SYT1: variants seen among roughly 807,000 people sequenced by gnomAD.
SYT1 encodes the protein synaptotagmin 1.
Under a neutral mutation model 44.8 loss-of-function variants are expected in SYT1, and 8 were observed. The ratio of observed to expected loss-of-function variants is 0.18; its 90% CI spans 0.10 to 0.32. The LOEUF is 0.32. Among genes scored for constraint, SYT1 ranks in the 10% least tolerant of loss-of-function variants. SYT1 has a pLI of 1.00. For synonymous variants in SYT1, 154 were observed against 188.8 expected, an observed-to-expected ratio of 0.82 and a Z score of 1.51; for missense variants, 286 against 509.3, an observed-to-expected ratio of 0.56 and a Z score of 4.22.
At chr12:79,254,777 G>C (rs1422179517) in intron 4 of SYT1, among the ~76,000 whole-genome samples, 2 of 152,182 alleles carry the variant, frequency 1.3e-5, no homozygotes, top group Non-Finnish European at 2.9e-5. Context: ...GGATGACTTT[G>C]AGAGGTTCAG....
At chr12:79,210,373 A>G (rs528760042) in intron 3 of SYT1, among the ~76,000 whole-genome samples, 2 of 152,168 alleles carry the variant, frequency 1.3e-5, no homozygotes, top group East Asian at 3.9e-4. Context: ...ACATTGCACC[A>G]TATTTGTAGT....
At chr12:79,028,213 G>A (rs1423940109) in intron 2 of SYT1, among the ~76,000 whole-genome samples, 4 of 151,280 alleles carry the variant, frequency 2.6e-5, no homozygotes, top group Non-Finnish European at 4.4e-5. Flanking sequence ...TCTGTCTGTC[G>A]AGTTATTTTT....
At chr12:78,940,223 G>A (rs557774331) in intron 1 of SYT1, among the ~76,000 whole-genome samples, 4 of 150,992 alleles carry the variant, frequency 2.6e-5, no homozygotes, top group Non-Finnish European at 5.9e-5. Context: ...TTATTATTCT[G>A]TTCTCATGGA....
intron 2 of SYT1, among the ~76,000 whole-genome samples, chr12:78,987,675 T>C (rs1017646188): frequency 7.9e-5 from 12 of 151,938 alleles, no homozygotes; most frequent in South Asian, 2.1e-4. Context: ...TACTTTACAT[T>C]AGGGATATAT....
At chr12:79,191,660 A>G (rs144136997) in intron 3 of SYT1, among the ~76,000 whole-genome samples, 11 of 152,270 alleles carry the variant, frequency 7.2e-5, no homozygotes, top group East Asian at 3.9e-4. Flanking sequence ...TAAGAATTTT[A>G]AGACATTTCT....
chr12:79,182,551 G>A (rs181813957), intron 3 of SYT1, among the ~76,000 whole-genome samples: 242 of 152,096 alleles, frequency 1.6e-3, no homozygotes, highest in Middle Eastern at 3.4e-3. Flanking sequence ...GAGAGTAAAA[G>A]GAGAAAAAAC....
intron 2 of SYT1, among the ~76,000 whole-genome samples, chr12:79,009,323 T>C (rs1565760452): frequency 6.6e-6 from 1 of 152,012 alleles, no homozygotes; most frequent in African/African-American, 2.4e-5. Context: ...TTTTGTTTTG[T>C]TTTTGAATTC....
At chr12:79,141,831 T>C (rs1246171444) in intron 3 of SYT1, among the ~76,000 whole-genome samples, 1 of 152,172 alleles carries the variant, frequency 6.6e-6, no homozygotes, top group Non-Finnish European at 1.5e-5. Context: ...CTAAGAAACG[T>C]CATAGGGCCA....
chr12:79,194,767 C>T (rs1873346985), intron 3 of SYT1, among the ~76,000 whole-genome samples: 1 of 152,036 alleles, frequency 6.6e-6, no homozygotes, highest in Admixed American at 6.6e-5. Flanking sequence ...ATTCAACCAG[C>T]TACATTTTTT....
At chr12:79,199,354 T>C (rs1169673353) in intron 3 of SYT1, among the ~76,000 whole-genome samples, 4 of 152,112 alleles carry the variant, frequency 2.6e-5, no homozygotes, top group Non-Finnish European at 4.4e-5. Flanking sequence ...AGCTACATGT[T>C]CCCCTCTTTC....
chr12:79,178,223 T>A (rs1376446186), intron 3 of SYT1, among the ~76,000 whole-genome samples: 1 of 142,296 alleles, frequency 7.0e-6, no homozygotes, highest in Non-Finnish European at 1.5e-5. Context: ...GATTTTCTAA[T>A]TCTATCATTT....
At chr12:79,385,307 T>A (rs1237846922) in intron 9 of SYT1, among the ~76,000 whole-genome samples, 2 of 152,144 alleles carry the variant, frequency 1.3e-5, no homozygotes, top group Non-Finnish European at 2.9e-5. Flanking sequence ...GATTTCCATA[T>A]GGAAAAAACT....
chr12:79,189,212 A>G (rs1365192268), intron 3 of SYT1, among the ~76,000 whole-genome samples: 3 of 152,156 alleles, frequency 2.0e-5, no homozygotes, highest in Non-Finnish European at 4.4e-5. Flanking sequence ...GAGTTCTGCA[A>G]TAAGCTTCTT....
At chr12:79,025,551 T>C (rs970538433) in intron 2 of SYT1, among the ~76,000 whole-genome samples, 1 of 151,668 alleles carries the variant, frequency 6.6e-6, no homozygotes, top group African/African-American at 2.4e-5. Context: ...TTTCTGGCTA[T>C]TATACGTTGT....
chr12:78,991,116 T>G (rs574336615), intron 2 of SYT1, among the ~76,000 whole-genome samples: 1 of 152,276 alleles, frequency 6.6e-6, no homozygotes, highest in African/African-American at 2.4e-5. Flanking sequence ...AATCATGAGA[T>G]ACTTTTACTC....
At chr12:78,943,280 AG>A (rs1878481059) in intron 1 of SYT1, among the ~76,000 whole-genome samples, 1 of 152,158 alleles carries the variant, frequency 6.6e-6, no homozygotes, top group African/African-American at 2.4e-5. Context: ...AGAATTTAAT[AG>A]GTTCATGGGC....
chr12:78,981,121 CTTTG>C (rs1869221862), intron 2 of SYT1, among the ~76,000 whole-genome samples: 1 of 128,632 alleles, frequency 7.8e-6, no homozygotes, highest in African/African-American at 2.9e-5. Flanking sequence ...TTGTTTGTTT[CTTTG>C]TTTTTTTTTT....
chr12:79,255,204 C>T lies in SYT1; in HGVS notation c.167-30583C>T, dbSNP rs540326176. ...TATTTTAAGAAATTGCCACAGCCAC[C>T]CCAAACTTTAGCAACCACCACCCTA... On this transcript the variant is annotated intron_variant, in intron 4 of 10. Transcript: ENST00000261205. Among the ~76,000 whole-genome samples the T allele has an allele frequency of 3.9e-5, 6 of 152,218 alleles. No individual in the cohort carries two copies. The East Asian group carries it at 9.7e-4, about 24-fold the overall frequency.
intron 1 of SYT1, among the ~76,000 whole-genome samples, chr12:78,874,158 T>C (rs1360720704): frequency 6.6e-6 from 1 of 151,612 alleles, no homozygotes; most frequent in East Asian, 1.9e-4. Flanking sequence ...TGCTAATTTG[T>C]TTATAATTTT....
Sources: gnomAD v4.1 joint callset for allele counts (sites outside exome capture counted in the v4.1 genomes callset) on GRCh38, gnomAD v4.1.1 for gene constraint, MANE v1.5 for transcripts, NCBI Gene and HGNC (gene_info 2026-07-23, HGNC 2026-07-21) for gene names.